Variants in MRNIP observed in about 807,000 individuals in gnomAD.
MRNIP encodes the protein MRN complex interacting protein.
Under a neutral mutation model 29.8 loss-of-function variants are expected in MRNIP, and 30 were observed. That is an observed-to-expected ratio of 1.01 (90% CI 0.75 to 1.36). MRNIP has a LOEUF of 1.36. Among genes scored for constraint, MRNIP ranks in the 40% most tolerant of loss-of-function variants. The pLI, the probability that MRNIP is intolerant of heterozygous loss-of-function variation, is 0.00. For missense variants in MRNIP, 459 were observed against 423.5 expected (o/e 1.08, Z -0.74); for synonymous variants, 201 against 164.1 (o/e 1.23, Z -1.72).
intron 1 of MRNIP, among the ~76,000 whole-genome samples, chr5:179,855,344 A>G (rs1283910692): frequency 6.6e-6 from 1 of 151,958 alleles, no homozygotes; most frequent in African/African-American, 2.4e-5. Flanking sequence ...GGGTTTCATC[A>G]TGTTGGTCAG....
chr5:179,841,281 T>A (rs1053894574), intron 5 of MRNIP: 16 of 359,314 alleles, frequency 4.5e-5, no homozygotes, highest in Non-Finnish European at 8.2e-5. Context: ...ACCACAGGCA[T>A]GCACCACCAT....
In MRNIP at chr5:179,837,789, C is replaced by T. The variant is rs1489694869; in HGVS notation, c.634G>A (p.Gly212Arg). The change falls in exon 7 of 7, where the codon GGG (glycine) becomes AGG (arginine). Residue 212 changes from glycine to arginine, a missense_variant. Physicochemically the swap from Gly to Arg is moderately radical, Grantham distance 125. Transcript: ENST00000292586. The stretch of plus-strand genomic sequence containing the variant: ...TGGATGGGACTCCATAGCTCCTTCC[C>T]AGGACCCCTCAGCTCCCCGGCACTG... ...DCSAGELRGP[G>R]KELWSPIQQV... 4.3e-6 allele frequency: 7 copies of T among 1,614,164 alleles called. No homozygotes were observed. The Middle Eastern group carries it at 6.6e-4, about 152-fold the overall frequency.
Position 179,840,900 on chromosome 5 carries a change from C to T in MRNIP, c.509G>A (p.Gly170Asp), listed in dbSNP as rs1405839919. 6.2e-7 allele frequency: 1 copy of T among 1,611,794 alleles called. No homozygotes were observed. The highest frequency in any genetic ancestry group is 1.3e-5 in the African/African-American group (1 of 74,912). ...CTGGGGTCCCCAGGCGACCTCAGAG[C>T]CACCCGAGTCCTGCACGCCACGGCT... ...PCSRGVQDSG[G>D]SEVAWGPQKG... Residue 170 changes from glycine to aspartate, a missense_variant, in exon 6 of 7, where the codon GGC (glycine) becomes GAC (aspartate). Gly to Asp is a moderately conservative substitution (Grantham distance 94). Transcript: ENST00000292586.
intron 6 of MRNIP, chr5:179,840,583 C>T: frequency 1.8e-6 from 1 of 564,410 alleles, no homozygotes; most frequent in Non-Finnish European, 3.1e-6. Flanking sequence ...GAGACGATGG[C>T]CCTGACCCAT....
At chr5:179,848,406 A>T (rs1384509692) in intron 2 of MRNIP, among the ~76,000 whole-genome samples, 1 of 152,244 alleles carries the variant, frequency 6.6e-6, no homozygotes, top group Non-Finnish European at 1.5e-5. Flanking sequence ...ATATTGTATA[A>T]CATACTGCCA....
At chr5:179,840,806 AAGAC>A in intron 6 of MRNIP, 62 bp downstream of exon 6, 4 of 1,162,628 alleles carry the variant, frequency 3.4e-6, no homozygotes, top group Non-Finnish European at 5.1e-6. Flanking sequence ...ACTGTGACAA[AAGAC>A]AGAATTATCA....
intron 4 of MRNIP, among the ~76,000 whole-genome samples, chr5:179,842,515 C>T (rs1361364831): frequency 1.5e-5 from 2 of 137,104 alleles, no homozygotes; most frequent in African/African-American, 5.5e-5. Flanking sequence ...CCCGTCTCTA[C>T]TAAAAAAAAA....
At chr5:179,856,476 T>C (rs937280351) in intron 1 of MRNIP, among the ~76,000 whole-genome samples, 32 of 151,818 alleles carry the variant, frequency 2.1e-4, no homozygotes, top group African/African-American at 7.5e-4. Context: ...TTCAAGTAAT[T>C]TTTCTTTGTT....
intron 2 of MRNIP, among the ~76,000 whole-genome samples, chr5:179,850,838 G>C (rs1389497187): frequency 6.6e-6 from 1 of 152,174 alleles, no homozygotes; most frequent in Non-Finnish European, 1.5e-5. Flanking sequence ...CCATGGCACT[G>C]TCACTTGCTT....
At chr5:179,844,695 G>A (rs1759058422) in intron 3 of MRNIP, among the ~76,000 whole-genome samples, 1 of 151,996 alleles carries the variant, frequency 6.6e-6, no homozygotes, top group African/African-American at 2.4e-5. Context: ...CAAAGTGCTG[G>A]GATTACAAGC....
intron 1 of MRNIP, 80 bp from the exon 2 acceptor site, chr5:179,853,517 C>T: frequency 8.5e-7 from 1 of 1,182,754 alleles, no homozygotes. Context: ...TGGCTCATGC[C>T]TGTAATCCCC....
intron 3 of MRNIP, 25 bp downstream of exon 3, chr5:179,847,953 C>T (rs1305511164): frequency 6.6e-7 from 1 of 1,521,700 alleles, no homozygotes; most frequent in South Asian, 1.1e-5. Context: ...GGCAAGACAA[C>T]CACGCTCTTC....
At chr5:179,853,723 G>A (rs1275217302) in intron 1 of MRNIP, among the ~76,000 whole-genome samples, 1 of 150,358 alleles carries the variant, frequency 6.7e-6, no homozygotes, top group African/African-American at 2.4e-5. Context: ...AGTGAGCCAA[G>A]ATTGCACCAC....
intron 1 of MRNIP, among the ~76,000 whole-genome samples, chr5:179,856,808 G>A (rs1561624902): frequency 6.6e-6 from 1 of 152,164 alleles, no homozygotes; most frequent in Non-Finnish European, 1.5e-5. Context: ...TGACCACGAG[G>A]GTCAGGGGCG....
chr5:179,847,861 C>A (rs1759197623), intron 3 of MRNIP, 117 bp downstream of exon 3: 2 of 720,126 alleles, frequency 2.8e-6, no homozygotes, highest in Non-Finnish European at 4.8e-6. Context: ...CAGCAGGGAC[C>A]TGGGGCAGGT....
intron 1 of MRNIP, 150 bp downstream of exon 1, chr5:179,858,581 C>A (rs1489871764): frequency 7.1e-6 from 4 of 563,600 alleles, no homozygotes; most frequent in Non-Finnish European, 1.2e-5. Flanking sequence ...TATGCGGGGG[C>A]GACCCCAATG....
chr5:179,843,018 C>A (rs906905748), intron 4 of MRNIP, among the ~76,000 whole-genome samples: 3 of 104,816 alleles, frequency 2.9e-5, no homozygotes, highest in Non-Finnish European at 5.3e-5. Context: ...GGGGACACAG[C>A]GAGACTCTGT....
At chr5:179,839,554 G>A (rs534023636) in intron 6 of MRNIP, 1 of 152,362 alleles carries the variant, frequency 6.6e-6, no homozygotes, top group Admixed American at 6.5e-5. Flanking sequence ...ATTCTTCTAG[G>A]ATTTGGAGAT....
intron 5 of MRNIP, chr5:179,841,700 C>T: frequency 1.6e-6 from 1 of 609,814 alleles, no homozygotes; most frequent in Non-Finnish European, 2.9e-6. Context: ...GGTGTCCTGC[C>T]CAGCCTTCGC....
Sources: allele counts gnomAD v4.1 joint callset (sites outside exome capture counted in the v4.1 genomes callset), GRCh38; gene constraint gnomAD v4.1.1; transcripts MANE v1.5; gene names NCBI Gene and HGNC (gene_info 2026-07-23, HGNC 2026-07-21).